CCDC88A: variants seen among roughly 807,000 people sequenced by gnomAD.
The protein encoded by CCDC88A is coiled-coil and HOOK domain protein 88A.
Under a neutral mutation model 234.3 loss-of-function variants are expected in CCDC88A, and 54 were observed. The observed-to-expected ratio is 0.23, with a 90% CI of 0.19 to 0.29. The LOEUF (loss-of-function observed/expected upper bound fraction) is 0.29. CCDC88A is among the 10% of genes least tolerant of loss of function. The pLI is 1.00. For synonymous variants in CCDC88A, 753 were observed against 737.8 expected, an observed-to-expected ratio of 1.02 and a Z score of -0.33; for missense variants, 1,832 against 2,123.4, an observed-to-expected ratio of 0.86 and a Z score of 2.70.
At chr2:55,319,128 C>G in intron 18 of CCDC88A, 124 bp from the exon 19 acceptor site, 1 of 749,970 alleles carries the variant, frequency 1.3e-6, no homozygotes, top group Non-Finnish European at 1.9e-6. Flanking sequence ...AAAGCCCCAA[C>G]AATCTTAAAA....
rs1291686634 is a variant in CCDC88A at position 55,405,244 on chromosome 2, T to A, written c.164+13572A>T. 3 of 152,230 alleles carry A rather than the reference T, an allele frequency of 2.0e-5. No individual in the cohort carries two copies. In the East Asian group the frequency reaches 5.8e-4, roughly 30 times the overall value. The allele number at this position is 152,230 out of a possible 1,614,324, so 9.4% of individuals were successfully genotyped here. On this transcript the variant is annotated intron_variant, in intron 2 of 32. Transcript: ENST00000436346. Reference sequence around the variant, plus strand: ...TCCAAGTTCAGTCACCTTTCAAGGTTTAAATCAAATCTAACTTCCTCCACA... The same window carrying A: ...TCCAAGTTCAGTCACCTTTCAAGGTATAAATCAAATCTAACTTCCTCCACA...
At chr2:55,359,260 G>A (rs538098916) in intron 7 of CCDC88A, among the ~76,000 whole-genome samples, 80 of 152,090 alleles carry the variant, frequency 5.3e-4, no homozygotes, top group Non-Finnish European at 9.4e-4. Context: ...AAGAACAGGA[G>A]AAAATACAGA....
chr2:55,397,426 T>C (rs1056737676), intron 2 of CCDC88A: 1 of 152,012 alleles, frequency 6.6e-6, no homozygotes, highest in Non-Finnish European at 1.5e-5. Flanking sequence ...ACTAAAAATA[T>C]ATATAAATTT....
intron 10 of CCDC88A, among the ~76,000 whole-genome samples, chr2:55,344,823 T>C (rs1467160255): frequency 6.6e-6 from 1 of 152,294 alleles, no homozygotes; most frequent in Non-Finnish European, 1.5e-5. Context: ...ATATTTAAGA[T>C]ACAATTCTCC....
intron 3 of CCDC88A, among the ~76,000 whole-genome samples, chr2:55,385,389 T>TA (rs1675413734): frequency 6.6e-6 from 1 of 152,124 alleles, no homozygotes; most frequent in South Asian, 2.1e-4. Context: ...ATTAGTAAAT[T>TA]AGAGAGTTCT....
intron 2 of CCDC88A, among the ~76,000 whole-genome samples, chr2:55,415,708 G>T (rs1352244574): frequency 1.3e-5 from 2 of 152,164 alleles, no homozygotes; most frequent in Non-Finnish European, 2.9e-5. Context: ...GAATATAAGT[G>T]TGAGGAAACT....
intron 29 of CCDC88A, among the ~76,000 whole-genome samples, chr2:55,298,717 A>C (rs185332183): frequency 9.2e-5 from 14 of 151,942 alleles, no homozygotes; most frequent in African/African-American, 3.4e-4. Flanking sequence ...ACAAAAATAC[A>C]AAAAAACTAG....
chr2:55,320,245 T>C (rs1272652244), intron 18 of CCDC88A, among the ~76,000 whole-genome samples: 1 of 152,170 alleles, frequency 6.6e-6, no homozygotes, highest in African/African-American at 2.4e-5. Flanking sequence ...TGAAATACTA[T>C]TGTAGTTTAG....
At chr2:55,336,232 T>A (rs1025494350) in intron 14 of CCDC88A, among the ~76,000 whole-genome samples, 3 of 152,052 alleles carry the variant, frequency 2.0e-5, no homozygotes, top group African/African-American at 7.3e-5. Flanking sequence ...AATTAATCTA[T>A]GCAGTTCTCA....
intron 2 of CCDC88A, chr2:55,418,023 T>C (rs148951783): frequency 2.0e-5 from 3 of 152,274 alleles, no homozygotes; most frequent in African/African-American, 7.2e-5. Flanking sequence ...ATAGCTGTAA[T>C]TAGATAAAAG....
At position 55,364,131 on chromosome 2, in the gene CCDC88A, A is replaced by G. The variant is rs187016646; in HGVS notation, c.403-98T>C. 54 of 537,232 alleles carry G rather than the reference A, an allele frequency of 1.0e-4. No individual in the cohort carries two copies. The East Asian group carries it at 1.6e-3, about 16-fold the overall frequency. 33.3% of individuals were successfully genotyped at this position (537,232 alleles called of 1,614,324 possible). ...ACTTTATGAGGTTTGCTATATTTTG[A>G]AAAGTATAGTAAGAGTTTTGTTTTG... On this transcript the variant is annotated intron_variant, in intron 5 of 32. Coordinates refer to ENST00000436346, the MANE Select transcript of CCDC88A (RefSeq NM_001365480.1).
At chr2:55,336,926 CA>C (rs1235168537) in intron 13 of CCDC88A, 108 bp from the exon 14 acceptor site, 4 of 608,108 alleles carry the variant, frequency 6.6e-6, no homozygotes, top group Non-Finnish European at 1.1e-5. Flanking sequence ...TGTTAATATC[CA>C]AATGCTAAAA....
At chr2:55,404,713 G>C (rs888033531) in intron 2 of CCDC88A, 2 of 152,074 alleles carry the variant, frequency 1.3e-5, no homozygotes, top group Admixed American at 6.6e-5. Context: ...AAACTGTTTT[G>C]GGGACCTCCA....
At chr2:55,311,171 G>C (rs1016277617) in intron 23 of CCDC88A, among the ~76,000 whole-genome samples, 1 of 152,126 alleles carries the variant, frequency 6.6e-6, no homozygotes. Flanking sequence ...TATACGCAAA[G>C]CTTCTTAACC....
At chr2:55,298,672 C>G (rs938086305) in intron 29 of CCDC88A, among the ~76,000 whole-genome samples, 1 of 151,904 alleles carries the variant, frequency 6.6e-6, no homozygotes, top group Non-Finnish European at 1.5e-5. Context: ...GAGTTCGAGA[C>G]AAGCCTGGGC....
intron 13 of CCDC88A, chr2:55,337,038 G>T: frequency 9.4e-6 from 3 of 317,866 alleles, no homozygotes; most frequent in East Asian, 6.7e-5. Context: ...CATCTTTTGG[G>T]GTAAATTTCA....
In CCDC88A at chr2:55,352,857, T is replaced by C. The variant is rs1036015586; in HGVS notation, c.800+2722A>G. 3.9e-5 allele frequency among the ~76,000 whole-genome samples: 6 copies of C among 152,232 alleles called. No individual in the cohort carries two copies. The South Asian group carries it at 1.2e-3, about 31-fold the overall frequency. On this transcript the variant is annotated intron_variant, in intron 8 of 32. Coordinates refer to ENST00000436346, the MANE Select transcript of CCDC88A (RefSeq NM_001365480.1). ...TTTCTGATTGTAATTACTTATTGTA[T>C]AGTTTCCATTTGGTATAAGGCAACC...
In CCDC88A at chr2:55,328,722, T is replaced by C. The variant is rs563562254; in HGVS notation, c.2856-287A>G. The C allele has an allele frequency of 1.8e-3, 366 of 205,906 alleles. 3 individuals are homozygous for C. Among genetic ancestry groups the C allele is most frequent in the African/African-American group, 8.2e-3 (355 of 43,178 alleles). 12.8% of individuals were successfully genotyped at this position (205,906 alleles called of 1,614,324 possible). On this transcript the variant is annotated intron_variant, in intron 16 of 32. Coordinates refer to ENST00000436346, the MANE Select transcript of CCDC88A (RefSeq NM_001365480.1). This position sits in a 1 kb window ranked among gnomAD's most constrained non-coding sequence, Gnocchi z 4.3. ...CCCGGAAGACCAAAGTCCCAAAATA[T>C]CCTTTTTATTAATGAAGACTCCTTT...
intron 25 of CCDC88A, among the ~76,000 whole-genome samples, chr2:55,304,575 A>G (rs1204805702): frequency 1.3e-5 from 2 of 152,172 alleles, no homozygotes; most frequent in Non-Finnish European, 2.9e-5. Flanking sequence ...ATAAACCTAA[A>G]AAATAAGGAG....
Sources: gnomAD v4.1 joint callset for allele counts (sites outside exome capture counted in the v4.1 genomes callset) on GRCh38, gnomAD v4.1.1 for gene constraint, Gnocchi (gnomAD v3.1) non-coding constraint, MANE v1.5 for transcripts, NCBI Gene and HGNC (gene_info 2026-07-23, HGNC 2026-07-21) for gene names.